The following SLC16A10 variants were observed in gnomAD, a reference collection of about 807,000 sequenced individuals.
SLC16A10 encodes solute carrier family 16 member 10.
SLC16A10 carries 27 observed loss-of-function variants against 40.0 expected under a neutral mutation model. That is an observed-to-expected ratio of 0.67 (90% CI 0.50 to 0.93). The LOEUF (loss-of-function observed/expected upper bound fraction) is 0.93. Ranked by LOEUF, SLC16A10 falls within the 40% of genes least tolerant of loss-of-function variation. SLC16A10 has a pLI of 0.00. For missense variants in SLC16A10, 529 were observed against 658.2 expected (o/e 0.80, Z 2.15); for synonymous variants, 213 against 249.8 (o/e 0.85, Z 1.39).
intron 3 of SLC16A10, among the ~76,000 whole-genome samples, chr6:111,199,241 C>T (rs1186356470): frequency 6.6e-6 from 1 of 152,166 alleles, no homozygotes; most frequent in Non-Finnish European, 1.5e-5. Context: ...GGGCAGATCA[C>T]CTGAGGTCAG....
intron 3 of SLC16A10, among the ~76,000 whole-genome samples, chr6:111,187,681 G>C (rs933437151): frequency 2.0e-5 from 3 of 152,148 alleles, no homozygotes; most frequent in Admixed American, 6.5e-5. Context: ...ATTATTAGAG[G>C]AGTGAAATTA....
chr6:111,172,776 G>A lies in SLC16A10; in HGVS notation c.425G>A (p.Arg142Gln), dbSNP rs541891646. 46 of 1,614,100 alleles carry A rather than the reference G, an allele frequency of 2.8e-5. No homozygotes were observed. Among genetic ancestry groups the A allele is most frequent in the Middle Eastern group, 1.6e-4 (1 of 6,062 alleles). ...GTCTTCACAGACCTATTTGGTTGTC[G>A]GAAAACAGCTGTCGTGGGTGCTGCT... ...VSVFTDLFGC[R>Q]KTAVVGAAVG... Residue 142 changes from arginine (R) to glutamine (Q), a missense_variant, in exon 2 of 6, where the codon CGG becomes CAG. Physicochemically the swap from Arg to Gln is conservative, Grantham distance 43 (BLOSUM62 1). Transcript: ENST00000368851.
At position 111,204,859 on chromosome 6, in the gene SLC16A10, G is replaced by A. The variant is rs547648535; in HGVS notation, c.943-1733G>A. Reference sequence around the variant, plus strand: ...ATGATAATAATCGACTGAAGTATATGTCCTTTCTCTCCAATGAACCTGTTT... The same window carrying A: ...ATGATAATAATCGACTGAAGTATATATCCTTTCTCTCCAATGAACCTGTTT... On this transcript the variant is annotated intron_variant, in intron 3 of 5. Coordinates refer to ENST00000368851, the MANE Select transcript of SLC16A10 (RefSeq NM_018593.5). Among the ~76,000 whole-genome samples, 11 of 152,200 alleles carry A rather than the reference G, an allele frequency of 7.2e-5. No individual in the cohort carries two copies. The South Asian group carries it at 2.3e-3, about 32-fold the overall frequency.
At position 111,222,055 on chromosome 6, in the gene SLC16A10, A is replaced by T. The variant is rs1770912097; in HGVS notation, c.1368A>T (p.Gly456=). The T allele has an allele frequency of 6.2e-7, 1 of 1,610,540 alleles. No individual in the cohort carries two copies. Among genetic ancestry groups the T allele is most frequent in the Non-Finnish European group, 8.5e-7 (1 of 1,179,176 alleles). The change falls in exon 6 of 6, where the codon GGA becomes GGT. Residue 456 remains glycine, a synonymous_variant. Coordinates refer to ENST00000368851, the MANE Select transcript of SLC16A10 (RefSeq NM_018593.5). The stretch of plus-strand genomic sequence containing the variant: ...ATGATGTGGCATTCTACCTCGCTGG[A>T]GTCCCTCCCCTTATTGGAGGTGCTG... ...GSYDVAFYLA[G]VPPLIGGAVL...
intron 1 of SLC16A10, among the ~76,000 whole-genome samples, chr6:111,089,587 C>T (rs1184896920): frequency 6.6e-6 from 1 of 152,056 alleles, no homozygotes. Context: ...GGGCTAGGTA[C>T]AAAAAGTGTT....
chr6:111,102,154 G>GT (rs1295660983), intron 1 of SLC16A10, among the ~76,000 whole-genome samples: 2 of 152,042 alleles, frequency 1.3e-5, no homozygotes, highest in African/African-American at 4.8e-5. Context: ...CGAACAAATT[G>GT]TTTTTTTCCC....
At position 111,206,724 on chromosome 6, in the gene SLC16A10, G is replaced by A. The variant is rs1432806356; in HGVS notation, c.1075G>A (p.Val359Ile). 1.2e-6 allele frequency: 2 copies of A among 1,613,672 alleles called. No individual in the cohort carries two copies. The highest frequency in any genetic ancestry group is 1.7e-5 in the Admixed American group (1 of 59,920). ...IADYVPGVKKVYLQVLSFFFI... is the reference protein window; with the variant it reads ...IADYVPGVKKIYLQVLSFFFI... ...AGATTATGTGCCTGGTGTGAAGAAG[G>A]TTTATCTACAGGTACTTTTTTACAC... The change falls in exon 4 of 6, where the codon GTT becomes ATT. Residue 359 changes from valine (V) to isoleucine (I), a missense_variant. Physicochemically the swap from Val to Ile is conservative, Grantham distance 29. Transcript: ENST00000368851.
chr6:111,186,900 C>T (rs997609328), intron 3 of SLC16A10, among the ~76,000 whole-genome samples: 3 of 152,118 alleles, frequency 2.0e-5, no homozygotes, highest in African/African-American at 7.2e-5. Context: ...ATTTAAAGGG[C>T]AATGCGCACC....
At chr6:111,163,374 G>A (rs1044977877) in intron 1 of SLC16A10, among the ~76,000 whole-genome samples, 1 of 151,438 alleles carries the variant, frequency 6.6e-6, no homozygotes, top group South Asian at 2.1e-4. Context: ...GGATGGTCTC[G>A]ATCTCCTGAC....
At chr6:111,169,920 T>TTTTA (rs1772552167) in intron 1 of SLC16A10, among the ~76,000 whole-genome samples, 1 of 308 alleles carries the variant, frequency 3.2e-3, no homozygotes, top group Non-Finnish European at 7.5e-3. Context: ...CTTTTCTTTC[T>TTTTA]TTTTTTTTTT....
chr6:111,193,335 A>G, intron 3 of SLC16A10: 1 of 985,678 alleles, frequency 1.0e-6, no homozygotes, highest in Non-Finnish European at 1.2e-6. Context: ...GTTAGTGACA[A>G]TTTGCCCATT....
rs866066810 is a variant in SLC16A10, at chr6:111,160,630, G to A, written c.344-12065G>A. On this transcript the variant is annotated intron_variant, in intron 1 of 5. Coordinates refer to ENST00000368851, the MANE Select transcript of SLC16A10 (RefSeq NM_018593.5). ...CTTCTACTGACGTTCAGCGGTTCCC[G>A]AGCTCTTGTCATGCATCTAAAAAGA... Among the ~76,000 whole-genome samples the A allele has an allele frequency of 3.3e-5, 5 of 152,342 alleles. No individual in the cohort carries two copies. The East Asian group carries it at 5.8e-4, about 18-fold the overall frequency.
At chr6:111,201,132 T>A (rs1447348219) in intron 3 of SLC16A10, among the ~76,000 whole-genome samples, 3 of 152,190 alleles carry the variant, frequency 2.0e-5, no homozygotes, top group Admixed American at 2.0e-4. Context: ...TGTACATGCC[T>A]AGCCATTGTC....
chr6:111,184,638 C>T (rs1025909485), intron 3 of SLC16A10, among the ~76,000 whole-genome samples: 3 of 152,038 alleles, frequency 2.0e-5, no homozygotes, highest in Non-Finnish European at 4.4e-5. Flanking sequence ...CCTGCCACCA[C>T]GCCTGACTAA....
chr6:111,172,763 C>T lies in SLC16A10; in HGVS notation c.412C>T (p.Leu138=). The change falls in exon 2 of 6, where the codon CTA becomes TTA. Residue 138 remains leucine (L), a synonymous_variant. Transcript: ENST00000368851. ...CCPIVSVFTD[L]FGCRKTAVVG... is the part of the protein sequence containing the mutation. The stretch of plus-strand genomic sequence containing the variant: ...CCCAATAGTCAGCGTCTTCACAGAC[C>T]TATTTGGTTGTCGGAAAACAGCTGT... The T allele has an allele frequency of 6.2e-7, 1 of 1,614,128 alleles. No individual in the cohort carries two copies. Among genetic ancestry groups the T allele is most frequent in the Non-Finnish European group, 8.5e-7 (1 of 1,180,026 alleles).
chr6:111,120,005 G>T (rs1771555543), intron 1 of SLC16A10, among the ~76,000 whole-genome samples: 1 of 152,160 alleles, frequency 6.6e-6, no homozygotes, highest in African/African-American at 2.4e-5. Flanking sequence ...TATTAATGGG[G>T]ACATCCATCT....
intron 2 of SLC16A10, among the ~76,000 whole-genome samples, chr6:111,174,561 T>G (rs1772644464): frequency 6.6e-6 from 1 of 152,204 alleles, no homozygotes; most frequent in Admixed American, 6.5e-5. Flanking sequence ...GAAAAAAGTT[T>G]TATTTGGAAT....
chr6:111,203,751 T>TAAATAAATAAAAAAA, intron 3 of SLC16A10, among the ~76,000 whole-genome samples: 1 of 147,778 alleles, frequency 6.8e-6, no homozygotes, highest in South Asian at 2.2e-4. Context: ...AATAAATAAA[T>TAAATAAATAAAAAAA]AAAATAATGC....
At chr6:111,216,215 A>G (rs1773418276) in intron 4 of SLC16A10, among the ~76,000 whole-genome samples, 1 of 152,116 alleles carries the variant, frequency 6.6e-6, no homozygotes, top group African/African-American at 2.4e-5. Context: ...GTTCTTTCCA[A>G]CCTGCCAGGC....
Sources: allele counts gnomAD v4.1 joint callset (sites outside exome capture counted in the v4.1 genomes callset), GRCh38; gene constraint gnomAD v4.1.1; transcripts MANE v1.5; gene names NCBI Gene and HGNC (gene_info 2026-07-23, HGNC 2026-07-21).